SLC2A3: variants seen among roughly 807,000 people sequenced by gnomAD.
SLC2A3 encodes solute carrier family 2, facilitated glucose transporter member 3.
SLC2A3 carries 21 observed loss-of-function variants against 46.4 expected under a neutral mutation model. The observed-to-expected ratio is 0.45, with a 90% CI of 0.32 to 0.65. SLC2A3 has a LOEUF of 0.65. Among genes scored for constraint, SLC2A3 ranks in the 30% least tolerant of loss-of-function variants. SLC2A3 has a pLI of 0.04. For synonymous variants in SLC2A3, 213 were observed against 239.4 expected (o/e 0.89, Z 1.02); for missense variants, 499 against 623.3 (o/e 0.80, Z 2.12).
chr12:7,922,100 T>G lies in SLC2A3; in HGVS notation c.1273-469A>C, dbSNP rs551723478. Among the ~76,000 whole-genome samples, 41 of 152,158 alleles carry G rather than the reference T, an allele frequency of 2.7e-4. 1 individual carries two copies. Among genetic ancestry groups the G allele is most frequent in the Non-Finnish European group, 3.4e-4 (23 of 67,966 alleles). ...GCAGAAGGTTGATCACAGCTCACCA[T>G]GAACACCTCCTGGGTTTAAGTGATT... On this transcript the variant is annotated intron_variant, in intron 9 of 9. Transcript: ENST00000075120.
At chr12:7,935,418 C>T (rs1349132272) in intron 1 of SLC2A3, among the ~76,000 whole-genome samples, 2 of 152,120 alleles carry the variant, frequency 1.3e-5, no homozygotes, top group Non-Finnish European at 2.9e-5. Flanking sequence ...CTCCATTGCA[C>T]TCCAGCCTGG....
chr12:7,922,801 G>A lies in SLC2A3; in HGVS notation c.1272+20C>T. The A allele has an allele frequency of 6.2e-7, 1 of 1,613,850 alleles. No homozygotes were observed. The highest frequency in any genetic ancestry group is 8.5e-7 in the Non-Finnish European group (1 of 1,179,800). On this transcript the variant is annotated intron_variant, in intron 9 of 9. Transcript: ENST00000075120. Reference sequence around the variant, plus strand: ...GTCAGCTTACATAGGCTGGTTTTAAGATAAGGTGAGTTTACTTACAGCAGC... The same window carrying A: ...GTCAGCTTACATAGGCTGGTTTTAAAATAAGGTGAGTTTACTTACAGCAGC...
At chr12:7,930,791 G>GT in intron 4 of SLC2A3, 149 bp from the exon 5 acceptor site, 27 of 501,402 alleles carry the variant, frequency 5.4e-5, no homozygotes, top group Non-Finnish European at 7.2e-5. Context: ...TACTCAGCAT[G>GT]GTTTTTTTTT....
chr12:7,933,735 T>G (rs1286184251), intron 2 of SLC2A3, 75 bp downstream of exon 2: 2 of 1,511,254 alleles, frequency 1.3e-6, no homozygotes, highest in African/African-American at 2.8e-5. Flanking sequence ...GGCCTTAAAT[T>G]CTGAATTCCT....
chr12:7,923,004 G>C lies in SLC2A3; in HGVS notation c.1089C>G (p.Ser363Arg). Residue 363 changes from serine (S) to arginine (R), a missense_variant, in exon 9 of 10, where the codon AGC becomes AGG. Physicochemically the swap from Ser to Arg is moderately radical, Grantham distance 110. Around this residue, in one of 5 missense-constraint regions of SLC2A3, gnomAD observed 179 missense variants for 205.1 expected, o/e 0.87. Coordinates refer to ENST00000075120, the MANE Select transcript of SLC2A3 (RefSeq NM_006931.3). Reference sequence around the variant, plus strand: ...CCAAGATAGCCCCAATACAGACAAAGCTCATCCCATTATAGTTATCCTGTA... The same window carrying C: ...CCAAGATAGCCCCAATACAGACAAACCTCATCCCATTATAGTTATCCTGTA... Reference protein sequence around the residue: ...LLLKDNYNGMSFVCIGAILVF... With the variant: ...LLLKDNYNGMRFVCIGAILVF... 3 of 1,613,804 alleles carry C rather than the reference G, an allele frequency of 1.9e-6. No homozygotes were observed. Among genetic ancestry groups the C allele is most frequent in the Non-Finnish European group, 2.5e-6 (3 of 1,179,872 alleles).
rs553644909 is a variant in SLC2A3, at chr12:7,935,179, C to T, written c.15+841G>A. Reference sequence around the variant, plus strand: ...GGTAAAAAATGCCTTTCTTGCTGCGCGCAGTGGCTCATGCCTGTAATCTCA... The same window carrying T: ...GGTAAAAAATGCCTTTCTTGCTGCGTGCAGTGGCTCATGCCTGTAATCTCA... On this transcript the variant is annotated intron_variant, in intron 1 of 9. Coordinates refer to ENST00000075120, the MANE Select transcript of SLC2A3 (RefSeq NM_006931.3). Among the ~76,000 whole-genome samples the T allele has an allele frequency of 8.5e-5, 13 of 152,262 alleles. 1 individual carries two copies. In the South Asian group the frequency reaches 1.0e-3, roughly 12 times the overall value.
At chr12:7,933,748 A>C in intron 2 of SLC2A3, 62 bp downstream of exon 2, 1 of 1,557,578 alleles carries the variant, frequency 6.4e-7, no homozygotes, top group Non-Finnish European at 8.8e-7. Context: ...GAATTCCTGA[A>C]ACCCTACTTA....
chr12:7,932,334 C>A (rs184135109), intron 3 of SLC2A3, among the ~76,000 whole-genome samples: 34 of 152,124 alleles, frequency 2.2e-4, no homozygotes, highest in African/African-American at 7.7e-4. Flanking sequence ...CCTGTCACTA[C>A]GCCCGGCTAA....
At chr12:7,925,592 C>A (rs1946087169) in intron 7 of SLC2A3, 1 of 337,974 alleles carries the variant, frequency 3.0e-6, no homozygotes. Flanking sequence ...AGAGTTTTTC[C>A]AAGCACCTTT....
chr12:7,930,725 CA>C, intron 4 of SLC2A3, 83 bp from the exon 5 acceptor site: 1 of 1,380,884 alleles, frequency 7.2e-7, no homozygotes, highest in South Asian at 1.4e-5. Flanking sequence ...TTCAGAAAAT[CA>C]TACATTCTTT....
At chr12:7,927,448 G>A (rs1450610274) in intron 6 of SLC2A3, among the ~76,000 whole-genome samples, 1 of 151,978 alleles carries the variant, frequency 6.6e-6, no homozygotes, top group Non-Finnish European at 1.5e-5. Flanking sequence ...TTGCTATCTA[G>A]TGTCACCAAG....
chr12:7,930,392 A>G, intron 5 of SLC2A3, 88 bp downstream of exon 5: 2 of 1,301,432 alleles, frequency 1.5e-6, no homozygotes. Flanking sequence ...GCAGGGAAAG[A>G]GTGTAACAGA....
chr12:7,934,025 A>C, intron 1 of SLC2A3, 123 bp from the exon 2 acceptor site: 1 of 873,714 alleles, frequency 1.1e-6, no homozygotes, highest in Non-Finnish European at 1.8e-6. Context: ...AAGAACATCC[A>C]ATGAGATTTA....
At position 7,921,517 on chromosome 12, in the gene SLC2A3, G is replaced by A. The variant is rs777382578; in HGVS notation, c.1387C>T (p.Arg463Trp). 6.6e-5 allele frequency: 106 copies of A among 1,613,772 alleles called. 1 individual carries two copies. The highest frequency in any genetic ancestry group is 8.5e-5 in the Non-Finnish European group (100 of 1,179,836). Residue 463 changes from arginine (R) to tryptophan (W), a missense_variant, in exon 10 of 10, where the codon CGG becomes TGG. By Grantham distance (101) the Arg-to-Trp change is moderately radical (BLOSUM62 -3). This residue lies in a region of SLC2A3 where 179 missense variants were observed against 205.1 expected (regional missense o/e 0.87). Transcript: ENST00000075120. ...TRGRTFEDIT[R>W]AFEGQAHGAD... ...CCGTGTGCCTGCCCTTCAAAGGCCCGTGTGATATCCTCAAAAGTCCTGCCA... is the reference window on the plus strand; with the variant it reads ...CCGTGTGCCTGCCCTTCAAAGGCCCATGTGATATCCTCAAAAGTCCTGCCA...
chr12:7,925,442 C>T (rs772731274), intron 7 of SLC2A3: 4 of 157,560 alleles, frequency 2.5e-5, no homozygotes, highest in South Asian at 1.8e-4. Flanking sequence ...ATTAAAAAAT[C>T]GCAGGACACC....
chr12:7,921,737 T>C (rs1346879920), intron 9 of SLC2A3, 106 bp from the exon 10 acceptor site: 1 of 1,223,476 alleles, frequency 8.2e-7, no homozygotes, highest in Non-Finnish European at 1.1e-6. Context: ...CTATAACCCT[T>C]CCATATTTAA....
intron 3 of SLC2A3, among the ~76,000 whole-genome samples, 192 bp from the exon 4 acceptor site, chr12:7,931,677 C>A (rs2121197844): frequency 6.6e-6 from 1 of 151,784 alleles, no homozygotes; most frequent in Middle Eastern, 3.4e-3. Context: ...CGCCTGTAGT[C>A]CCAGGCACTC....
At chr12:7,934,706 A>G (rs1011694538) in intron 1 of SLC2A3, among the ~76,000 whole-genome samples, 1 of 151,788 alleles carries the variant, frequency 6.6e-6, no homozygotes, top group African/African-American at 2.4e-5. Flanking sequence ...CCACCACCCA[A>G]AATCCCTTCA....
intron 6 of SLC2A3, among the ~76,000 whole-genome samples, chr12:7,927,345 T>C (rs1283056490): frequency 6.6e-6 from 1 of 152,102 alleles, no homozygotes; most frequent in African/African-American, 2.4e-5. Context: ...AATAAATAGG[T>C]ATGCCAATTC....
Sources: allele counts gnomAD v4.1 joint callset (sites outside exome capture counted in the v4.1 genomes callset), GRCh38; gene constraint gnomAD v4.1.1; regional missense constraint gnomAD v4.1.1; transcripts MANE v1.5; gene names NCBI Gene and HGNC (gene_info 2026-07-23, HGNC 2026-07-21).